PTPRG: variants seen among roughly 807,000 people sequenced by gnomAD.
PTPRG encodes the protein protein tyrosine phosphatase receptor type G, also known as receptor-type tyrosine-protein phosphatase gamma.
A neutral mutation model predicts 165.3 loss-of-function variants in PTPRG; 102 were observed. The observed-to-expected ratio is 0.62, with a 90% CI of 0.53 to 0.73. The LOEUF (loss-of-function observed/expected upper bound fraction) is 0.73, where lower values mean the gene tolerates loss of function less well. PTPRG is among the 30% of genes least tolerant of loss of function. PTPRG has a pLI of 0.00. For missense variants in PTPRG, 1,866 were observed against 1,861.4 expected, an observed-to-expected ratio of 1.00 and a Z score of -0.05; for synonymous variants, 675 against 669.5, an observed-to-expected ratio of 1.01 and a Z score of -0.13.
At chr3:61,638,854 T>A (rs1472562160) in intron 1 of PTPRG, among the ~76,000 whole-genome samples, 1 of 152,176 alleles carries the variant, frequency 6.6e-6, no homozygotes, top group Non-Finnish European at 1.5e-5. Flanking sequence ...TGTCTCCCAT[T>A]CTGAAGGTTG....
chr3:61,857,753 G>T (rs757567865), intron 2 of PTPRG, among the ~76,000 whole-genome samples: 19 of 152,146 alleles, frequency 1.2e-4, no homozygotes, highest in Admixed American at 7.9e-4. Flanking sequence ...TGTTGGGTGT[G>T]TGTTGTTGGC....
At chr3:61,955,096 G>C (rs1335204136) in intron 2 of PTPRG, among the ~76,000 whole-genome samples, 2 of 152,218 alleles carry the variant, frequency 1.3e-5, no homozygotes, top group African/African-American at 4.8e-5. Context: ...AATGTATACT[G>C]TGGTTTAGGC....
intron 1 of PTPRG, among the ~76,000 whole-genome samples, chr3:61,660,573 C>G (rs1462413179): frequency 6.6e-6 from 1 of 152,168 alleles, no homozygotes; most frequent in Non-Finnish European, 1.5e-5. Flanking sequence ...GCCTCAGTTT[C>G]TCATTTGTTA....
chr3:61,775,959 G>C (rs1172185752), intron 2 of PTPRG, among the ~76,000 whole-genome samples: 1 of 151,654 alleles, frequency 6.6e-6, no homozygotes, highest in Admixed American at 6.6e-5. Context: ...GATAGCATTA[G>C]GAGATATAAC....
intron 8 of PTPRG, among the ~76,000 whole-genome samples, chr3:62,169,249 G>A (rs1046350439): frequency 6.6e-6 from 1 of 152,098 alleles, no homozygotes; most frequent in African/African-American, 2.4e-5. Context: ...CTTCTAGCCA[G>A]TATTTCCCTG....
At chr3:62,168,850 C>T (rs927235589) in intron 8 of PTPRG, among the ~76,000 whole-genome samples, 1 of 152,132 alleles carries the variant, frequency 6.6e-6, no homozygotes, top group African/African-American at 2.4e-5. Flanking sequence ...ACAATCAGGT[C>T]GCCCATGGAC....
chr3:61,763,290 T>G (rs970625204), intron 2 of PTPRG, among the ~76,000 whole-genome samples: 1 of 151,576 alleles, frequency 6.6e-6, no homozygotes, highest in Non-Finnish European at 1.5e-5. Flanking sequence ...CAGGCTGGAG[T>G]GCAGTGGCAT....
At chr3:62,106,493 C>G (rs1437878124) in intron 5 of PTPRG, among the ~76,000 whole-genome samples, 2 of 139,106 alleles carry the variant, frequency 1.4e-5, no homozygotes, top group Non-Finnish European at 3.1e-5. Context: ...CCCCTGCAAA[C>G]TCTTAAAGGC....
intron 2 of PTPRG, among the ~76,000 whole-genome samples, chr3:61,921,756 C>G (rs994007411): frequency 2.0e-5 from 3 of 152,028 alleles, no homozygotes; most frequent in Non-Finnish European, 4.4e-5. Context: ...AATCCAAAAT[C>G]TGAAATTTTG....
chr3:62,234,471 A>G (rs1022551798), intron 14 of PTPRG, among the ~76,000 whole-genome samples: 3 of 152,092 alleles, frequency 2.0e-5, no homozygotes, highest in Admixed American at 6.6e-5. Context: ...CTATTTCCCT[A>G]CAGCCAACCC....
chr3:62,063,752 CTCA>C (rs1700903028), intron 4 of PTPRG, among the ~76,000 whole-genome samples: 1 of 152,118 alleles, frequency 6.6e-6, no homozygotes, highest in Non-Finnish European at 1.5e-5. Flanking sequence ...ATCCTCCTGC[CTCA>C]TCCTCCCAAA....
rs2106804014 is a variant in PTPRG, at chr3:62,190,947, TGGTTACATA to T, written c.1034-519_1034-511del. Among the ~76,000 whole-genome samples, 1 of 152,352 alleles carries T rather than the reference TGGTTACATA, an allele frequency of 6.6e-6. No individual in the cohort carries two copies. The highest frequency in any genetic ancestry group is 2.1e-4 in the South Asian group (1 of 4,826). On this transcript the variant is annotated intron_variant, in intron 8 of 29. Coordinates refer to ENST00000474889, the MANE Select transcript of PTPRG (RefSeq NM_002841.4). The surrounding 1 kb of genome is among the most constrained non-coding windows in gnomAD (Gnocchi z 5.2). Reference sequence around the variant, plus strand: ...TTTCTTTCATGTGAAACTGGTATTATGGTTACATAGGAGAGTGTCCTCAATCTTGGGAGA... The same window carrying T: ...TTTCTTTCATGTGAAACTGGTATTATGGAGAGTGTCCTCAATCTTGGGAGA...
chr3:62,001,486 A>T (rs1296788272), intron 3 of PTPRG, among the ~76,000 whole-genome samples: 1 of 152,166 alleles, frequency 6.6e-6, no homozygotes, highest in Admixed American at 6.5e-5. Context: ...ACTGGCTGAG[A>T]AGAATCAACA....
At chr3:61,911,057 A>G (rs2038791068) in intron 2 of PTPRG, among the ~76,000 whole-genome samples, 1 of 152,198 alleles carries the variant, frequency 6.6e-6, no homozygotes, top group Non-Finnish European at 1.5e-5. Flanking sequence ...TCACCTGGAT[A>G]ACGTCTACTC....
chr3:62,101,119 CAGA>C (rs1200242056), intron 5 of PTPRG, among the ~76,000 whole-genome samples: 17 of 152,134 alleles, frequency 1.1e-4, no homozygotes, highest in Non-Finnish European at 1.9e-4. Flanking sequence ...AGGATGTAGA[CAGA>C]AGAAGACTGG....
intron 8 of PTPRG, among the ~76,000 whole-genome samples, chr3:62,172,910 A>T (rs983546109): frequency 6.6e-6 from 1 of 152,222 alleles, no homozygotes; most frequent in African/African-American, 2.4e-5. Context: ...AAGGAAAAAT[A>T]AATTAATTAC....
In PTPRG at chr3:61,750,176, G is replaced by A. The variant is rs568398266; in HGVS notation, c.190+1194G>A. 2.0e-5 allele frequency: 3 copies of A among 152,274 alleles called. No homozygotes were observed. The South Asian group carries it at 6.2e-4, about 32-fold the overall frequency. The allele number at this position is 152,274 out of a possible 1,614,324, so 9.4% of individuals were successfully genotyped here. A position where few individuals can be genotyped will look rare whatever the true frequency, so the allele number is the denominator to read the frequency against. ...TTGTCACCATTTCTGATAAATGAAG[G>A]AAATTGGCAGATGAAAGCCAAAATT... On this transcript the variant is annotated intron_variant, in intron 2 of 29. Coordinates refer to ENST00000474889, the MANE Select transcript of PTPRG (RefSeq NM_002841.4).
At chr3:61,739,533 G>C (rs1412819757) in intron 1 of PTPRG, among the ~76,000 whole-genome samples, 3 of 152,168 alleles carry the variant, frequency 2.0e-5, no homozygotes, top group Non-Finnish European at 4.4e-5. Flanking sequence ...GTGAAGTATA[G>C]TTGTAGTGTA....
At chr3:61,738,295 T>TAC (rs2032820701) in intron 1 of PTPRG, among the ~76,000 whole-genome samples, 2 of 69,670 alleles carry the variant, frequency 2.9e-5, no homozygotes, top group African/African-American at 1.1e-4. Context: ...TATATATATA[T>TAC]ATATATATAT....
Sources: allele counts gnomAD v4.1 joint callset (sites outside exome capture counted in the v4.1 genomes callset), GRCh38; gene constraint gnomAD v4.1.1; non-coding constraint Gnocchi (gnomAD v3.1); transcripts MANE v1.5; gene names NCBI Gene and HGNC (gene_info 2026-07-23, HGNC 2026-07-21).